RBM44: variants seen among roughly 807,000 people sequenced by gnomAD.
RBM44 encodes the protein RNA-binding protein 44.
In RBM44, 66 loss-of-function variants were observed where a neutral mutation model predicts 105.1. That is an observed-to-expected ratio of 0.63 (90% CI 0.52 to 0.77). RBM44 has a LOEUF of 0.77. Among genes scored for constraint, RBM44 ranks in the 30% least tolerant of loss-of-function variants. RBM44 has a pLI of 0.00. For synonymous variants in RBM44, 365 were observed against 417.6 expected (o/e 0.87, Z 1.54); for missense variants, 1,122 against 1,207.8 (o/e 0.93, Z 1.05).
intron 1 of RBM44, among the ~76,000 whole-genome samples, chr2:237,809,238 G>T: frequency 6.6e-6 from 1 of 151,672 alleles, no homozygotes; most frequent in Non-Finnish European, 1.5e-5. Context: ...TTTTCTTTTG[G>T]TATATTACTA....
Position 237,829,347 on chromosome 2 carries a change from C to A in RBM44, c.2731C>A (p.Leu911Ile). 1 of 1,613,582 alleles carries A rather than the reference C, an allele frequency of 6.2e-7. No homozygotes were observed. Among genetic ancestry groups the A allele is most frequent in the Non-Finnish European group, 8.5e-7 (1 of 1,179,616 alleles). The change falls in exon 13 of 16, where the codon CTT becomes ATT. Residue 911 changes from leucine (L) to isoleucine (I), a missense_variant. This residue lies in a region of RBM44 where 194 missense variants were observed against 225.5 expected (regional missense o/e 0.86). Transcript: ENST00000316997. ...AATTCTTGGAGAATATACATCACCA[C>A]TTTCCTCCAAAAATGGGAATAGAAT... ...VKILGEYTSPLSSKNGNRISS... is the reference protein window; with the variant it reads ...VKILGEYTSPISSKNGNRISS...
At chr2:237,808,967 A>G (rs1376389526) in intron 1 of RBM44, among the ~76,000 whole-genome samples, 2 of 152,212 alleles carry the variant, frequency 1.3e-5, no homozygotes, top group Non-Finnish European at 2.9e-5. Context: ...GTCCTAGAAA[A>G]AGCATTTCTA....
At chr2:237,837,520 G>A (rs2061971511) in intron 15 of RBM44, among the ~76,000 whole-genome samples, 1 of 152,180 alleles carries the variant, frequency 6.6e-6, no homozygotes, top group African/African-American at 2.4e-5. Context: ...GACTTCAGTG[G>A]AGGAAGTAAC....
At position 237,829,343 on chromosome 2, in the gene RBM44, A is replaced by G. The variant is rs765577449; in HGVS notation, c.2727A>G (p.Ser909=). 1 of 1,613,598 alleles carries G rather than the reference A, an allele frequency of 6.2e-7. No homozygotes were observed. The highest frequency in any genetic ancestry group is 1.7e-5 in the Admixed American group (1 of 59,974). The change falls in exon 13 of 16, where the codon TCA becomes TCG. Residue 909 remains serine (S), a synonymous_variant. Coordinates refer to ENST00000316997, the MANE Select transcript of RBM44 (RefSeq NM_001080504.3). The stretch of plus-strand genomic sequence containing the variant: ...TTAAAATTCTTGGAGAATATACATC[A>G]CCACTTTCCTCCAAAAATGGGAATA... ...WPVKILGEYT[S]PLSSKNGNRI...
In RBM44 at chr2:237,834,349, C is replaced by G. The variant is rs926888981; in HGVS notation, c.3104C>G (p.Thr1035Ser). The change falls in exon 15 of 16, where the codon ACT becomes AGT. Residue 1035 changes from threonine to serine, a missense_variant. By Grantham distance (58) the Thr-to-Ser change is moderately conservative (BLOSUM62 1). This residue lies in a region of RBM44 where 194 missense variants were observed against 225.5 expected (regional missense o/e 0.86). Coordinates refer to ENST00000316997, the MANE Select transcript of RBM44 (RefSeq NM_001080504.3). ...HKGFLNGLSI[T>S]TIVEMTSSLL... is the part of the protein sequence containing the mutation. ...GGTTTTCTGAATGGCTTATCTATTA[C>G]TACTATTGTGGAGATGACTTCATCT... is the stretch of plus-strand genomic sequence containing the variant. 5 of 1,560,326 alleles carry G rather than the reference C, an allele frequency of 3.2e-6. No homozygotes were observed. In the African/African-American group the frequency reaches 5.4e-5, roughly 17 times the overall value.
At chr2:237,832,900 A>G (rs1271128544) in intron 13 of RBM44, among the ~76,000 whole-genome samples, 1 of 152,226 alleles carries the variant, frequency 6.6e-6, no homozygotes, top group African/African-American at 2.4e-5. Context: ...AATGGAGATG[A>G]GAGCCATTAC....
chr2:237,800,406 C>A (rs1480595840), intron 1 of RBM44, among the ~76,000 whole-genome samples: 1 of 152,118 alleles, frequency 6.6e-6, no homozygotes, highest in East Asian at 1.9e-4. Flanking sequence ...TTCCGTTATA[C>A]TAAAATTTTC....
chr2:237,833,136 A>C (rs1328224845), intron 13 of RBM44, among the ~76,000 whole-genome samples: 3 of 152,230 alleles, frequency 2.0e-5, no homozygotes, highest in African/African-American at 7.2e-5. Context: ...TGTGTACACT[A>C]TTCTAGGCAC....
At position 237,803,345 on chromosome 2, in the gene RBM44, A is replaced by G. The variant is rs2150966133; in HGVS notation, c.-19+4484A>G. ...TACTCTCTCTCTCACACACACACAC[A>G]TACTTTCTCTCTCACTCACACACAC... On this transcript the variant is annotated intron_variant, in intron 1 of 15. Coordinates refer to ENST00000316997, the MANE Select transcript of RBM44 (RefSeq NM_001080504.3). The surrounding 1 kb of genome is among the most constrained non-coding windows in gnomAD (Gnocchi z 4.2). 6.6e-6 allele frequency among the ~76,000 whole-genome samples: 1 copy of G among 151,216 alleles called. No individual in the cohort carries two copies. The highest frequency in any genetic ancestry group is 2.4e-5 in the African/African-American group (1 of 41,202).
At chr2:237,812,075 C>T (rs1434395770) in intron 1 of RBM44, among the ~76,000 whole-genome samples, 1 of 152,242 alleles carries the variant, frequency 6.6e-6, no homozygotes, top group African/African-American at 2.4e-5. Context: ...AGCCTAGTCT[C>T]GAACTCCTGA....
Position 237,817,880 on chromosome 2 carries a change from G to C in RBM44, c.961G>C (p.Val321Leu). Residue 321 changes from valine (V) to leucine (L), a missense_variant, in exon 3 of 16, where the codon GTA becomes CTA. Transcript: ENST00000316997. Reference sequence around the variant, plus strand: ...GAGTGGTTCCTTGAGCCCTCAAAAAGTATTAAAAATGAAAATTTATACTGA... The same window carrying C: ...GAGTGGTTCCTTGAGCCCTCAAAAACTATTAAAAATGAAAATTTATACTGA... ...SKSGSLSPQK[V>L]LKMKIYTENM... The C allele has an allele frequency of 6.3e-7, 1 of 1,598,882 alleles. No homozygotes were observed. Among genetic ancestry groups the C allele is most frequent in the Non-Finnish European group, 8.5e-7 (1 of 1,175,830 alleles).
chr2:237,834,205 A>G, intron 14 of RBM44, 63 bp downstream of exon 14: 1 of 1,519,462 alleles, frequency 6.6e-7, no homozygotes, highest in Non-Finnish European at 8.9e-7. Flanking sequence ...AGTTCAAGTT[A>G]ATAACTTAGA....
At chr2:237,814,126 CTG>C (rs1392443732) in intron 2 of RBM44, among the ~76,000 whole-genome samples, 1 of 152,104 alleles carries the variant, frequency 6.6e-6, no homozygotes, top group African/African-American at 2.4e-5. Flanking sequence ...GTGCTTATGA[CTG>C]TATGTAGCTT....
chr2:237,829,103 T>G, intron 12 of RBM44, 114 bp from the exon 13 acceptor site: 1 of 715,142 alleles, frequency 1.4e-6, no homozygotes, highest in Non-Finnish European at 2.3e-6. Context: ...ACCTTTTTAT[T>G]TTTAAAAGCA....
chr2:237,824,330 A>G lies in RBM44; in HGVS notation c.2360A>G (p.Asp787Gly). The G allele has an allele frequency of 6.2e-7, 1 of 1,612,968 alleles. No individual in the cohort carries two copies. The highest frequency in any genetic ancestry group is 8.5e-7 in the Non-Finnish European group (1 of 1,179,214). The change falls in exon 10 of 16, where the codon GAT (aspartate) becomes GGT (glycine). Residue 787 changes from aspartate (D) to glycine (G), a missense_variant. By Grantham distance (94) the Asp-to-Gly change is moderately conservative. Coordinates refer to ENST00000316997, the MANE Select transcript of RBM44 (RefSeq NM_001080504.3). ...HYQETSEDWSDAKESLTGVDV... is the reference protein window; with the variant it reads ...HYQETSEDWSGAKESLTGVDV... ...CAAGAGACAAGCGAAGACTGGTCTG[A>G]TGCTAAAGAGAGCCTGACAGGAGTT...
intron 11 of RBM44, 26 bp downstream of exon 11, chr2:237,827,355 T>G: frequency 6.7e-7 from 1 of 1,493,244 alleles, no homozygotes; most frequent in Non-Finnish European, 9.2e-7. Context: ...TTTTTTGAGC[T>G]TCATTTTCAA....
chr2:237,838,648 A>C (rs1204242958), intron 15 of RBM44, among the ~76,000 whole-genome samples: 1 of 152,226 alleles, frequency 6.6e-6, no homozygotes, highest in Non-Finnish European at 1.5e-5. Context: ...GGGGGTACTC[A>C]AGACCACCCC....
At position 237,818,375 on chromosome 2, in the gene RBM44, G is replaced by A; in HGVS notation, c.1456G>A (p.Ala486Thr). The A allele has an allele frequency of 6.2e-7, 1 of 1,612,724 alleles. No individual in the cohort carries two copies. Among genetic ancestry groups the A allele is most frequent in the East Asian group, 2.2e-5 (1 of 44,856 alleles). Residue 486 changes from alanine to threonine, a missense_variant, in exon 3 of 16, where the codon GCA becomes ACA. Physicochemically the swap from Ala to Thr is moderately conservative, Grantham distance 58 (BLOSUM62 0). This residue lies in a region of RBM44 where 918 missense variants were observed against 955.3 expected (regional missense o/e 0.96). Coordinates refer to ENST00000316997, the MANE Select transcript of RBM44 (RefSeq NM_001080504.3). The surrounding 1 kb of genome is among the most constrained non-coding windows in gnomAD (Gnocchi z 4.6). ...TTTCACAACCAGCAGGGCAACAAGT[G>A]CAAGACCTTCTGTAGTATCTACATC... ...ACFTTSRATS[A>T]RPSVVSTSSN...
Position 237,840,210 on chromosome 2 carries a change from A to G in RBM44, c.*23-1629A>G, listed in dbSNP as rs920960894. Among the ~76,000 whole-genome samples, 523 of 141,842 alleles carry G rather than the reference A, an allele frequency of 3.7e-3. 2 individuals are homozygous for G. The highest frequency in any genetic ancestry group is 0.013 in the African/African-American group (502 of 39,174). The allele number at this position is 141,842 out of a possible 152,430, so 93.1% of individuals were successfully genotyped here. On this transcript the variant is annotated intron_variant, in intron 15 of 15. Transcript: ENST00000316997. ...CTCAAAAAAAAAAAAAAAAAAAAAA[A>G]GGGCACACGGCACATAGACCAATGG...
Sources: allele counts gnomAD v4.1 joint callset (sites outside exome capture counted in the v4.1 genomes callset), GRCh38; gene constraint gnomAD v4.1.1; regional missense constraint gnomAD v4.1.1; non-coding constraint Gnocchi (gnomAD v3.1); transcripts MANE v1.5; gene names NCBI Gene and HGNC (gene_info 2026-07-23, HGNC 2026-07-21).